The following PLCE1 variants were observed in gnomAD, a reference collection of about 807,000 sequenced individuals.
PLCE1 encodes 1-phosphatidylinositol 4,5-bisphosphate phosphodiesterase epsilon-1.
PLCE1 carries 119 observed loss-of-function variants against 242.8 expected under a neutral mutation model. That is an observed-to-expected ratio of 0.49 (90% confidence interval 0.42 to 0.57). PLCE1 has a LOEUF of 0.57. Ranked by LOEUF, PLCE1 falls within the 20% of genes least tolerant of loss-of-function variation. The pLI is 0.00. For missense variants in PLCE1, 2,441 were observed against 2,788.8 expected, an observed-to-expected ratio of 0.88 and a Z score of 2.81; for synonymous variants, 945 against 1,017.4, an observed-to-expected ratio of 0.93 and a Z score of 1.35.
chr10:94,152,110 T>A (rs568549976), intron 3 of PLCE1, among the ~76,000 whole-genome samples: 2 of 152,122 alleles, frequency 1.3e-5, no homozygotes, highest in African/African-American at 2.4e-5. Context: ...AGGCAAAAAA[T>A]TTATGACTAA....
At chr10:94,136,258 T>C (rs1214183306) in intron 3 of PLCE1, among the ~76,000 whole-genome samples, 1 of 152,122 alleles carries the variant, frequency 6.6e-6, no homozygotes, top group African/African-American at 2.4e-5. Flanking sequence ...GGGGAGTTAG[T>C]GTTTACGGGC....
In PLCE1 at chr10:94,306,409, T is replaced by C. The variant is rs1413350698; in HGVS notation, c.5623-18T>C. Reference sequence around the variant, plus strand: ...TTATCCTCGGTGACTTTGATCCCTTTTGTCTCCCTCACCCTAGATTGTCTC... The same window carrying C: ...TTATCCTCGGTGACTTTGATCCCTTCTGTCTCCCTCACCCTAGATTGTCTC... On this transcript the variant is annotated intron_variant, in intron 25 of 32. Coordinates refer to ENST00000371380, the MANE Select transcript of PLCE1 (RefSeq NM_016341.4). The surrounding 1 kb of genome is among the most constrained non-coding windows in gnomAD (Gnocchi z 5.7). 6.2e-7 allele frequency: 1 copy of C among 1,614,184 alleles called. No homozygotes were observed. The highest frequency in any genetic ancestry group is 1.3e-5 in the African/African-American group (1 of 75,066).
intron 3 of PLCE1, among the ~76,000 whole-genome samples, chr10:94,168,898 C>T (rs2047890426): frequency 6.6e-6 from 1 of 152,068 alleles, no homozygotes; most frequent in African/African-American, 2.4e-5. Flanking sequence ...TTCATCAAGC[C>T]ACATTCTGAT....
At chr10:94,044,242 C>T (rs2061833995) in intron 2 of PLCE1, among the ~76,000 whole-genome samples, 1 of 152,168 alleles carries the variant, frequency 6.6e-6, no homozygotes, top group South Asian at 2.1e-4. Context: ...CCAGGTCTTG[C>T]TCAGCTAAAT....
At chr10:94,253,047 A>G (rs1380584646) in intron 9 of PLCE1, among the ~76,000 whole-genome samples, 1 of 152,192 alleles carries the variant, frequency 6.6e-6, no homozygotes, top group Non-Finnish European at 1.5e-5. Context: ...GTAGAACACA[A>G]TGTAAAGTAT....
At chr10:94,016,051 A>G (rs951250790) in intron 1 of PLCE1, among the ~76,000 whole-genome samples, 1 of 152,138 alleles carries the variant, frequency 6.6e-6, no homozygotes, top group Non-Finnish European at 1.5e-5. Context: ...ATGTCCAAGG[A>G]TGTGTTTACA....
intron 2 of PLCE1, among the ~76,000 whole-genome samples, chr10:94,064,332 C>A (rs559290659): frequency 6.6e-6 from 1 of 152,230 alleles, no homozygotes; most frequent in African/African-American, 2.4e-5. Context: ...AGGTGGATCA[C>A]TTGAGCCCAG....
At chr10:94,294,971 G>A (rs1248351669) in intron 23 of PLCE1, among the ~76,000 whole-genome samples, 33 of 145,706 alleles carry the variant, frequency 2.3e-4, no homozygotes, top group Admixed American at 2.1e-3. Context: ...GCTGGAGTGC[G>A]GTGGCAAGAT....
At chr10:94,049,351 C>T (rs534970583) in intron 2 of PLCE1, among the ~76,000 whole-genome samples, 1 of 152,212 alleles carries the variant, frequency 6.6e-6, no homozygotes, top group South Asian at 2.1e-4. Flanking sequence ...TATGGTGTGA[C>T]GTAGGCAGGA....
chr10:94,284,702 G>C, intron 21 of PLCE1, 146 bp from the exon 22 acceptor site: 1 of 633,446 alleles, frequency 1.6e-6, no homozygotes, highest in Non-Finnish European at 2.9e-6. Context: ...CTCTAGGAAA[G>C]CTGTTGGGAC....
At chr10:94,098,959 G>A (rs1011333740) in intron 2 of PLCE1, among the ~76,000 whole-genome samples, 4 of 152,216 alleles carry the variant, frequency 2.6e-5, no homozygotes, top group Non-Finnish European at 2.9e-5. Context: ...AGCACAGCAC[G>A]TGTGAGGCTG....
intron 2 of PLCE1, among the ~76,000 whole-genome samples, chr10:94,056,219 A>G (rs1004019955): frequency 3.3e-5 from 5 of 152,164 alleles, no homozygotes; most frequent in African/African-American, 9.7e-5. Flanking sequence ...TTACTCTTAG[A>G]TTTAGTCCAT....
Position 94,284,739 on chromosome 10 carries a change from G to A in PLCE1, c.4918-109G>A, listed in dbSNP as rs41291136. 8,995 of 745,676 alleles carry A rather than the reference G, an allele frequency of 0.012. 75 individuals are homozygous for A. Among genetic ancestry groups the A allele is most frequent in the Non-Finnish European group, 0.017 (6,859 of 403,642 alleles). 46.2% of individuals were successfully genotyped at this position (745,676 alleles called of 1,614,324 possible). Reference sequence around the variant, plus strand: ...TGTATATGGATAATTACCATGCAAGGGGAAATACAGTAATAACACCAGAGG... The same window carrying A: ...TGTATATGGATAATTACCATGCAAGAGGAAATACAGTAATAACACCAGAGG... On this transcript the variant is annotated intron_variant, in intron 21 of 32. Coordinates refer to ENST00000371380, the MANE Select transcript of PLCE1 (RefSeq NM_016341.4).
chr10:94,162,605 A>G (rs1285585923), intron 3 of PLCE1, among the ~76,000 whole-genome samples: 1 of 152,132 alleles, frequency 6.6e-6, no homozygotes, highest in Non-Finnish European at 1.5e-5. Flanking sequence ...TCAAAAAACC[A>G]GCTCCTGGAT....
At chr10:94,137,609 A>G (rs1184288785) in intron 3 of PLCE1, 1 of 152,680 alleles carries the variant, frequency 6.5e-6, no homozygotes, top group East Asian at 1.9e-4. Context: ...AAAGCACATA[A>G]ATTAAAGGAT....
chr10:94,269,869 C>T (rs1390796991), intron 17 of PLCE1, among the ~76,000 whole-genome samples: 1 of 152,202 alleles, frequency 6.6e-6, no homozygotes, highest in African/African-American at 2.4e-5. Context: ...TATGCAATTA[C>T]TACCTTCATT....
chr10:94,218,941 T>G (rs2049624641), intron 4 of PLCE1, among the ~76,000 whole-genome samples: 1 of 147,234 alleles, frequency 6.8e-6, no homozygotes, highest in South Asian at 2.1e-4. Context: ...TATAATTATA[T>G]TATTATATAA....
intron 4 of PLCE1, among the ~76,000 whole-genome samples, chr10:94,197,139 G>A (rs921619000): frequency 6.6e-6 from 1 of 152,104 alleles, no homozygotes; most frequent in Non-Finnish European, 1.5e-5. Flanking sequence ...GTGTTTTCAA[G>A]GTTCATCAGC....
chr10:94,222,578 G>T (rs2049791762), intron 4 of PLCE1, among the ~76,000 whole-genome samples: 1 of 152,174 alleles, frequency 6.6e-6, no homozygotes, highest in Admixed American at 6.5e-5. Context: ...AGGAAGTTCT[G>T]CTCAAGAAAA....
Sources: allele counts gnomAD v4.1 joint callset (sites outside exome capture counted in the v4.1 genomes callset), GRCh38; gene constraint gnomAD v4.1.1; non-coding constraint Gnocchi (gnomAD v3.1); transcripts MANE v1.5; gene names NCBI Gene and HGNC (gene_info 2026-07-23, HGNC 2026-07-21).